Variants in TAF4B observed in about 807,000 individuals in gnomAD.
TAF4B encodes the protein transcription initiation factor TFIID subunit 4B.
A neutral mutation model predicts 86.4 loss-of-function variants in TAF4B; 38 were observed. The ratio of observed to expected loss-of-function variants is 0.44; its 90% CI spans 0.34 to 0.58. The LOEUF is 0.58. Ranked by LOEUF, TAF4B falls within the 20% of genes least tolerant of loss-of-function variation. The pLI is 0.02. For missense variants in TAF4B, 988 were observed against 1,027.6 expected (o/e 0.96, Z 0.53); for synonymous variants, 388 against 391.2 (o/e 0.99, Z 0.10).
chr18:26,369,300 G>A (rs1598835019), intron 14 of TAF4B, among the ~76,000 whole-genome samples: 1 of 152,276 alleles, frequency 6.6e-6, no homozygotes, highest in East Asian at 1.9e-4. Flanking sequence ...AAGAAAAGCA[G>A]TTGGGGAAAA....
At chr18:26,318,164 GC>G (rs2056930558) in intron 10 of TAF4B, among the ~76,000 whole-genome samples, 1 of 152,106 alleles carries the variant, frequency 6.6e-6, no homozygotes. Flanking sequence ...TTTTGAAGTA[GC>G]TGGGACTACA....
chr18:26,265,816 A>C (rs926903903), intron 2 of TAF4B, among the ~76,000 whole-genome samples: 3 of 152,112 alleles, frequency 2.0e-5, no homozygotes, highest in African/African-American at 7.2e-5. Context: ...TAGCCTCCCA[A>C]AGTGCTGGGA....
chr18:26,325,956 C>T (rs1424704894), intron 11 of TAF4B, among the ~76,000 whole-genome samples: 1 of 151,880 alleles, frequency 6.6e-6, no homozygotes, highest in African/African-American at 2.4e-5. Flanking sequence ...ATATGAAATC[C>T]CTCAGTCACA....
chr18:26,342,893 A>G (rs752348597), intron 13 of TAF4B, among the ~76,000 whole-genome samples: 19 of 152,208 alleles, frequency 1.2e-4, no homozygotes, highest in Non-Finnish European at 2.4e-4. Context: ...GCAGTCTTAC[A>G]TTTTATTAAA....
intron 1 of TAF4B, among the ~76,000 whole-genome samples, chr18:26,247,228 T>C (rs1161910514): frequency 6.6e-6 from 1 of 152,196 alleles, no homozygotes; most frequent in Admixed American, 6.5e-5. Flanking sequence ...CTGAAAAATA[T>C]CATAAGGGTT....
At chr18:26,231,112 T>A (rs997379706) in intron 1 of TAF4B, among the ~76,000 whole-genome samples, 1 of 142,344 alleles carries the variant, frequency 7.0e-6, no homozygotes, top group African/African-American at 2.6e-5. Flanking sequence ...CAATCTTGGC[T>A]CACCACAACC....
chr18:26,249,839 C>T (rs2055978883), intron 1 of TAF4B, among the ~76,000 whole-genome samples: 1 of 152,144 alleles, frequency 6.6e-6, no homozygotes, highest in South Asian at 2.1e-4. Context: ...TCTCCTGCCC[C>T]AGCCTCCTAA....
intron 12 of TAF4B, among the ~76,000 whole-genome samples, chr18:26,331,187 G>A (rs1230916300): frequency 1.3e-5 from 2 of 152,120 alleles, no homozygotes; most frequent in Non-Finnish European, 2.9e-5. Flanking sequence ...AGTGTTATAA[G>A]TAAGCACTTA....
Position 26,226,835 on chromosome 18 carries a change from G to A in TAF4B, c.-99G>A, listed in dbSNP as rs941260439. ...CGCGCCTCTCCCCAGCGATGCTGTG[G>A]AACCCGAACCGCACCGGAGTCGGCT... On this transcript the variant is annotated 5_prime_UTR_variant, in exon 1 of 15. The change creates a premature stop within an existing upstream ORF in the 5' untranslated region. Transcript: ENST00000269142. 5 of 1,019,942 alleles carry A rather than the reference G, an allele frequency of 4.9e-6. No homozygotes were observed. The highest frequency in any genetic ancestry group is 3.3e-4 in the Middle Eastern group (1 of 3,042). 63.2% of individuals were successfully genotyped at this position (1,019,942 alleles called of 1,614,324 possible). A position where few individuals can be genotyped will look rare whatever the true frequency, so the allele number is the denominator to read the frequency against.
In TAF4B at chr18:26,287,775, G is replaced by A. The variant is rs144214623; in HGVS notation, c.1590+1276G>A. The stretch of plus-strand genomic sequence containing the variant: ...CCCTGTTTGTTTTATCAGAATAAGA[G>A]GTATCTGAGTGATTGTCGTCTGAGG... On this transcript the variant is annotated intron_variant, in intron 7 of 14. Coordinates refer to ENST00000269142, the MANE Select transcript of TAF4B (RefSeq NM_005640.3). Among the ~76,000 whole-genome samples, 99 of 152,314 alleles carry A rather than the reference G, an allele frequency of 6.5e-4. 1 individual carries two copies. The East Asian group carries it at 0.012, about 18-fold the overall frequency.
Position 26,357,764 on chromosome 18 carries a change from G to A in TAF4B, c.2391G>A (p.Arg797=), listed in dbSNP as rs1159086546. The stretch of plus-strand genomic sequence containing the variant: ...CAGCTCTTGCAGCTATTGGACCAAG[G>A]AAGAAGAGACCACTAGAATCTGGAA... ...NLTALAAIGP[R]KKRPLESGIE... is the part of the protein sequence containing the mutation. Residue 797 remains arginine (R), a synonymous_variant, in exon 14 of 15, where the codon AGG becomes AGA. Transcript: ENST00000269142. 1.9e-6 allele frequency: 3 copies of A among 1,612,200 alleles called. No individual in the cohort carries two copies. Among genetic ancestry groups the A allele is most frequent in the East Asian group, 2.2e-5 (1 of 44,832 alleles).
At chr18:26,289,005 G>T (rs1008205125) in intron 7 of TAF4B, among the ~76,000 whole-genome samples, 1 of 152,152 alleles carries the variant, frequency 6.6e-6, no homozygotes, top group Non-Finnish European at 1.5e-5. Flanking sequence ...ACACCTACCT[G>T]TTTAAAGTGG....
chr18:26,381,245 G>A (rs867433825), intron 14 of TAF4B, among the ~76,000 whole-genome samples: 4 of 151,712 alleles, frequency 2.6e-5, no homozygotes, highest in Middle Eastern at 6.8e-3. Flanking sequence ...GAACTCCTGG[G>A]CTCAAGGGAC....
intron 14 of TAF4B, among the ~76,000 whole-genome samples, chr18:26,378,637 T>G (rs1420118827): frequency 1.3e-5 from 2 of 152,218 alleles, no homozygotes; most frequent in African/African-American, 4.8e-5. Flanking sequence ...TTGGTTTTAA[T>G]TGTAACCACT....
At chr18:26,381,895 G>T (rs1315923099) in intron 14 of TAF4B, among the ~76,000 whole-genome samples, 1 of 151,884 alleles carries the variant, frequency 6.6e-6, no homozygotes, top group Non-Finnish European at 1.5e-5. Flanking sequence ...ATCTTTTAAA[G>T]AATTTATGAA....
At chr18:26,310,797 C>CT (rs917113458) in intron 9 of TAF4B, among the ~76,000 whole-genome samples, 3 of 151,898 alleles carry the variant, frequency 2.0e-5, no homozygotes, top group African/African-American at 7.3e-5. Context: ...CCAGTTACCA[C>CT]TTTTTTTCAG....
intron 1 of TAF4B, among the ~76,000 whole-genome samples, chr18:26,239,910 C>T (rs2055811164): frequency 6.6e-6 from 1 of 151,950 alleles, no homozygotes; most frequent in South Asian, 2.1e-4. Flanking sequence ...ATGTGTGGTA[C>T]TATTTCTGAG....
chr18:26,322,375 A>C (rs1367683906), intron 11 of TAF4B, among the ~76,000 whole-genome samples: 1 of 151,996 alleles, frequency 6.6e-6, no homozygotes, highest in Non-Finnish European at 1.5e-5. Flanking sequence ...CTGACTTAGG[A>C]ATATGTGATC....
At chr18:26,269,864 C>T (rs1302767898) in intron 3 of TAF4B, among the ~76,000 whole-genome samples, 18 of 152,016 alleles carry the variant, frequency 1.2e-4, no homozygotes, top group Admixed American at 1.2e-3. Flanking sequence ...TTCTTAATGA[C>T]CTATGTACTG....
Sources: gnomAD v4.1 joint callset for allele counts (sites outside exome capture counted in the v4.1 genomes callset) on GRCh38, gnomAD v4.1.1 for gene constraint, MANE v1.5 for transcripts, NCBI Gene and HGNC (gene_info 2026-07-23, HGNC 2026-07-21) for gene names.